PLA2G5: variants seen among roughly 807,000 people sequenced by gnomAD.
PLA2G5 encodes the protein Ca2+-dependent phospholipase A2.
Under a neutral mutation model 15.9 loss-of-function variants are expected in PLA2G5, and 12 were observed. The ratio of observed to expected loss-of-function variants is 0.76; its 90% CI spans 0.48 to 1.23. The LOEUF (loss-of-function observed/expected upper bound fraction) is 1.23, where lower values mean the gene tolerates loss of function less well. Ranked by LOEUF, PLA2G5 falls within the 50% of genes most tolerant of loss-of-function variation. The pLI is 0.00. For synonymous variants in PLA2G5, 71 were observed against 71.4 expected (o/e 0.99, Z 0.03); for missense variants, 169 against 177.1 (o/e 0.95, Z 0.26).
chr1:20,037,694 G>T (rs1313402401), intron 1 of PLA2G5, among the ~76,000 whole-genome samples: 3 of 152,182 alleles, frequency 2.0e-5, no homozygotes, highest in Admixed American at 2.0e-4. Flanking sequence ...CTCCAGCTAG[G>T]GGCTGGTGCT....
At chr1:20,081,287 C>A (rs970028429) in intron 1 of PLA2G5, among the ~76,000 whole-genome samples, 1 of 151,854 alleles carries the variant, frequency 6.6e-6, no homozygotes, top group Non-Finnish European at 1.5e-5. Flanking sequence ...CTCCACTCTT[C>A]GGGGCAGCCA....
chr1:20,053,452 C>T (rs2014272710), intron 1 of PLA2G5, among the ~76,000 whole-genome samples: 1 of 151,226 alleles, frequency 6.6e-6, no homozygotes, highest in African/African-American at 2.4e-5. Context: ...AGTTGTTTTC[C>T]TGCCTCCCTT....
intron 2 of PLA2G5, among the ~76,000 whole-genome samples, chr1:20,060,910 T>A (rs1341571138): frequency 6.6e-6 from 1 of 151,894 alleles, no homozygotes; most frequent in Non-Finnish European, 1.5e-5. Flanking sequence ...AGAGATGGGA[T>A]TTTTCCATGT....
chr1:20,036,545 A>G (rs1208488678), intron 1 of PLA2G5, among the ~76,000 whole-genome samples: 1 of 152,048 alleles, frequency 6.6e-6, no homozygotes, highest in Non-Finnish European at 1.5e-5. Flanking sequence ...GAAACTTTCA[A>G]GTGTATTTTG....
chr1:20,085,971 T>C, intron 2 of PLA2G5, 112 bp from the exon 3 acceptor site: 2 of 1,019,228 alleles, frequency 2.0e-6, no homozygotes, highest in South Asian at 3.1e-5. Context: ...AAAAGAGACA[T>C]GCAGGTCCCT....
At chr1:20,049,259 A>G (rs947620382) in intron 1 of PLA2G5, among the ~76,000 whole-genome samples, 13 of 152,182 alleles carry the variant, frequency 8.5e-5, no homozygotes, top group Non-Finnish European at 1.9e-4. Context: ...GTAAGTCACA[A>G]TAAGAGGATT....
At chr1:20,056,873 T>G (rs977607707) in intron 1 of PLA2G5, among the ~76,000 whole-genome samples, 7 of 152,208 alleles carry the variant, frequency 4.6e-5, no homozygotes, top group African/African-American at 1.7e-4. Flanking sequence ...AGGTTATTAA[T>G]TATTGATTCA....
chr1:20,059,443 G>T (rs2014595122), intron 1 of PLA2G5, among the ~76,000 whole-genome samples: 1 of 151,868 alleles, frequency 6.6e-6, no homozygotes, highest in Non-Finnish European at 1.5e-5. Flanking sequence ...GAGAGAGAGA[G>T]AAAGACCATA....
chr1:20,029,323 A>G (rs1173676811), intron 1 of PLA2G5, among the ~76,000 whole-genome samples: 1 of 149,234 alleles, frequency 6.7e-6, no homozygotes, highest in Non-Finnish European at 1.5e-5. Flanking sequence ...CTCAACGTCC[A>G]GCCACCCGTG....
At chr1:20,074,305 C>T (rs1438297774) in intron 1 of PLA2G5, among the ~76,000 whole-genome samples, 1 of 152,158 alleles carries the variant, frequency 6.6e-6, no homozygotes, top group Non-Finnish European at 1.5e-5. Context: ...CATATCTGCA[C>T]ACGACTCTGG....
chr1:20,044,848 G>A (rs771659885), intron 1 of PLA2G5, among the ~76,000 whole-genome samples: 2 of 151,972 alleles, frequency 1.3e-5, no homozygotes, highest in East Asian at 1.9e-4. Context: ...CAGATGGGTC[G>A]GTAGAAAAGG....
rs1242046758 is a variant in PLA2G5 at position 20,090,943 on chromosome 1, G to C, written c.*251G>C. On this transcript the variant is annotated 3_prime_UTR_variant, in exon 5 of 5. Transcript: ENST00000375108. Reference sequence around the variant, plus strand: ...CTGAGGGCAGCCCCTCTGGTGCCAAGAGCTCTCCTCCAACTCAGGGTTGGC... The same window carrying C: ...CTGAGGGCAGCCCCTCTGGTGCCAACAGCTCTCCTCCAACTCAGGGTTGGC... 2.2e-5 allele frequency: 9 copies of C among 417,232 alleles called. No individual in the cohort carries two copies. The South Asian group carries it at 3.6e-4, about 17-fold the overall frequency. The allele number at this position is 417,232 out of a possible 1,614,324, so 25.8% of individuals were successfully genotyped here.
upstream of PLA2G5, chr1:20,066,184 G>A (rs2015016556): frequency 6.6e-6 from 1 of 152,166 alleles, no homozygotes; most frequent in Non-Finnish European, 1.5e-5. Flanking sequence ...TATTGAATGT[G>A]TTTTCATATG....
At chr1:20,070,180 G>A, upstream of PLA2G5, 5 of 985,314 alleles carry the variant, frequency 5.1e-6, no homozygotes, top group Non-Finnish European at 6.0e-6. Context: ...AGGACTTCCT[G>A]CCTCTGCAAA....
At chr1:20,075,868 CTTTTTT>C (rs534879331) in intron 1 of PLA2G5, among the ~76,000 whole-genome samples, 1,706 of 121,758 alleles carry the variant, frequency 0.014, 31 homozygotes, top group African/African-American at 0.051. Flanking sequence ...ATTTCTTTCT[CTTTTTT>C]TTTTTTTTTT....
chr1:20,073,245 G>A (rs1015508086), intron 1 of PLA2G5, among the ~76,000 whole-genome samples: 1 of 152,200 alleles, frequency 6.6e-6, no homozygotes, highest in African/African-American at 2.4e-5. Flanking sequence ...AGAAAGGAAG[G>A]TTAGTTCATG....
At chr1:20,042,067 G>T (rs2013629874) in intron 1 of PLA2G5, among the ~76,000 whole-genome samples, 1 of 152,266 alleles carries the variant, frequency 6.6e-6, no homozygotes, top group African/African-American at 2.4e-5. Context: ...TAACAGCATG[G>T]TGGTGTAGGA....
At chr1:20,084,140 A>G (rs907815448) in intron 1 of PLA2G5, among the ~76,000 whole-genome samples, 1 of 152,126 alleles carries the variant, frequency 6.6e-6, no homozygotes, top group Non-Finnish European at 1.5e-5. Flanking sequence ...CTTGGGGCCC[A>G]TAAGAGCCAT....
At chr1:20,055,367 TATTCTCTGCAAGTCCTTGTAGCCAGA>T (rs1443056140) in intron 1 of PLA2G5, among the ~76,000 whole-genome samples, 1 of 152,196 alleles carries the variant, frequency 6.6e-6, no homozygotes, top group Non-Finnish European at 1.5e-5. Flanking sequence ...CAGTGACCTT[TATTCTCTGCAAGTCCTTGTAGCCAGA>T]ATTCTGGACA....
Sources: gnomAD v4.1 joint callset for allele counts (sites outside exome capture counted in the v4.1 genomes callset) on GRCh38, gnomAD v4.1.1 for gene constraint, MANE v1.5 for transcripts, NCBI Gene and HGNC (gene_info 2026-07-23, HGNC 2026-07-21) for gene names.